Variants in IL2 observed in about 807,000 individuals in gnomAD.
The protein encoded by IL2 is interleukin 2.
IL2 carries 3 observed loss-of-function variants against 14.6 expected under a neutral mutation model. That is an observed-to-expected ratio of 0.21 (90% CI 0.09 to 0.53). The LOEUF (loss-of-function observed/expected upper bound fraction) is 0.53, where lower values mean the gene tolerates loss of function less well. Ranked by LOEUF, IL2 falls within the 20% of genes least tolerant of loss-of-function variation. IL2 has a pLI of 0.95. For synonymous variants in IL2, 71 were observed against 60.0 expected, an observed-to-expected ratio of 1.18 and a Z score of -0.85; for missense variants, 125 against 170.8, an observed-to-expected ratio of 0.73 and a Z score of 1.50.
At chr4:122,453,915 A>G in intron 2 of IL2, 62 bp from the exon 3 acceptor site, 1 of 1,448,340 alleles carries the variant, frequency 6.9e-7, no homozygotes, top group South Asian at 1.3e-5. Flanking sequence ...ATTAATTTCC[A>G]ATTTATTTTA....
In IL2 at chr4:122,456,376, G is replaced by A. The variant is rs754421965; in HGVS notation, c.65C>T (p.Pro22Leu). 2 of 1,611,454 alleles carry A rather than the reference G, an allele frequency of 1.2e-6. No individual in the cohort carries two copies. Among genetic ancestry groups the A allele is most frequent in the South Asian group, 1.1e-5 (1 of 91,002 alleles). ...LSLALVTNSA[P>L]TSSSTKKTQL... ...TGTTTTCTTTGTAGAACTTGAAGTA[G>A]GTGCACTGTTTGTGACAAGTGCAAG... Residue 22 changes from proline to leucine, a missense_variant, in exon 1 of 4, where the codon CCT becomes CTT. By Grantham distance (98) the Pro-to-Leu change is moderately conservative. Coordinates refer to ENST00000226730, the MANE Select transcript of IL2 (RefSeq NM_000586.4).
Position 122,456,546 on chromosome 4 carries a change from G to A in IL2, c.-106C>T. 4.7e-6 allele frequency: 4 copies of A among 845,062 alleles called. No individual in the cohort carries two copies. The highest frequency in any genetic ancestry group is 5.5e-6 in the Non-Finnish European group (3 of 546,340). The allele number at this position is 845,062 out of a possible 1,614,324, so 52.3% of individuals were successfully genotyped here. On this transcript the variant is annotated 5_prime_UTR_variant, in exon 1 of 4. Transcript: ENST00000226730. ...TGTTAATTCTGGAAAAATATTATGG[G>A]GGTGTCAAAATGTTTTACATATTAC...
intron 3 of IL2, among the ~76,000 whole-genome samples, chr4:122,452,978 C>T (rs1797690743): frequency 1.3e-5 from 2 of 151,952 alleles, no homozygotes; most frequent in African/African-American, 4.8e-5. Flanking sequence ...AAACAGTCCA[C>T]TAATAAGTGA....
intron 2 of IL2, 92 bp from the exon 3 acceptor site, chr4:122,453,945 G>GT (rs1193228454): frequency 1.1e-5 from 12 of 1,097,274 alleles, no homozygotes; most frequent in Non-Finnish European, 1.2e-5. Context: ...GCAGTATGTA[G>GT]TTTTTACCAT....
intron 3 of IL2, among the ~76,000 whole-genome samples, chr4:122,452,167 T>G (rs1292485153): frequency 2.0e-5 from 3 of 152,112 alleles, no homozygotes; most frequent in Non-Finnish European, 4.4e-5. Context: ...TAGACAAATA[T>G]TAAATGCTGG....
chr4:122,452,030 T>G (rs1214265472), intron 3 of IL2, among the ~76,000 whole-genome samples, 168 bp from the exon 4 acceptor site: 1 of 152,142 alleles, frequency 6.6e-6, no homozygotes, highest in African/African-American at 2.4e-5. Flanking sequence ...AAATTACATA[T>G]TTTGTTATGA....
rs187538629 is a variant in IL2 at position 122,452,282 on chromosome 4, T to C, written c.352-420A>G. 1.3e-4 allele frequency among the ~76,000 whole-genome samples: 20 copies of C among 152,222 alleles called. No individual in the cohort carries two copies. The South Asian group carries it at 2.3e-3, about 17-fold the overall frequency. ...ATTATACTTTCTTCTTTTCTAAATC[T>C]TGATTAGAGTCTCCTATTTTTCTAC... On this transcript the variant is annotated intron_variant, in intron 3 of 3. Transcript: ENST00000226730.
chr4:122,453,864 AATT>A lies in IL2; in HGVS notation c.208-14_208-12del. On this transcript the variant is annotated splice_polypyrimidine_tract_variant and intron_variant, in intron 2 of 3. Coordinates refer to ENST00000226730, the MANE Select transcript of IL2 (RefSeq NM_000586.4). Reference sequence around the variant, plus strand: ...TTTCAGTTCTGTGGCCTAGAATAATAATTATCATCAGCTCAGTTTACATAGAGG... The same window carrying A: ...TTTCAGTTCTGTGGCCTAGAATAATAATCATCAGCTCAGTTTACATAGAGG... The A allele has an allele frequency of 2.5e-6, 4 of 1,598,846 alleles. No homozygotes were observed. Among genetic ancestry groups the A allele is most frequent in the Non-Finnish European group, 3.4e-6 (4 of 1,173,950 alleles).
intron 3 of IL2, among the ~76,000 whole-genome samples, chr4:122,452,197 G>A (rs924626364): frequency 1.4e-4 from 22 of 152,000 alleles, no homozygotes; most frequent in African/African-American, 4.8e-4. Context: ...AAACTTGATC[G>A]CTTTTCCTCT....
At chr4:122,453,009 G>T (rs1327871009) in intron 3 of IL2, among the ~76,000 whole-genome samples, 1 of 151,846 alleles carries the variant, frequency 6.6e-6, no homozygotes, top group African/African-American at 2.4e-5. Context: ...CACAACTGGA[G>T]TTACTTTTAG....
intron 3 of IL2, 39 bp downstream of exon 3, chr4:122,453,671 T>C (rs1283976620): frequency 1.3e-6 from 2 of 1,540,606 alleles, no homozygotes; most frequent in East Asian, 4.5e-5. Context: ...CTACTTTTTT[T>C]TTTTTATTTC....
At chr4:122,452,123 T>C (rs917096324) in intron 3 of IL2, among the ~76,000 whole-genome samples, 2 of 152,104 alleles carry the variant, frequency 1.3e-5, no homozygotes, top group African/African-American at 4.8e-5. Flanking sequence ...TTCCCTAAAT[T>C]GGGTGCAAAT....
rs1411019544 is a variant in IL2, at chr4:122,456,483, G to C, written c.-43C>G. 6.6e-7 allele frequency: 1 copy of C among 1,505,786 alleles called. No homozygotes were observed. Among genetic ancestry groups the C allele is most frequent in the Non-Finnish European group, 9.0e-7 (1 of 1,106,072 alleles). The allele number at this position is 1,505,786 out of a possible 1,614,324, so 93.3% of individuals were successfully genotyped here. A position where few individuals can be genotyped will look rare whatever the true frequency, so the allele number is the denominator to read the frequency against. On this transcript the variant is annotated 5_prime_UTR_variant, in exon 1 of 4. Transcript: ENST00000226730. ...TTACTGTGAGTAGTGATTAAAGAGA[G>C]TGATAGGGAACTCTTGAACAAGAGA...
rs1797676940 is a variant in IL2, at chr4:122,451,587, C to T, written c.*165G>A. The T allele has an allele frequency of 2.8e-6, 1 of 362,530 alleles. No individual in the cohort carries two copies. Among genetic ancestry groups the T allele is most frequent in the African/African-American group, 2.1e-5 (1 of 47,114 alleles). The allele number at this position is 362,530 out of a possible 1,614,324, so 22.5% of individuals were successfully genotyped here. A position where few individuals can be genotyped will look rare whatever the true frequency, so the allele number is the denominator to read the frequency against. The stretch of plus-strand genomic sequence containing the variant: ...AAATAAGTGAAACCATTTTAGAGCC[C>T]CTAGGGCTTACAAAAAGAATCATAA... On this transcript the variant is annotated 3_prime_UTR_variant, in exon 4 of 4. Transcript: ENST00000226730.
In IL2 at chr4:122,456,320, A is replaced by C; in HGVS notation, c.121T>G (p.Leu41Val). The C allele has an allele frequency of 2.5e-6, 4 of 1,610,988 alleles. No homozygotes were observed. The highest frequency in any genetic ancestry group is 3.4e-6 in the Non-Finnish European group (4 of 1,177,800). The change falls in exon 1 of 4, where the codon TTA becomes GTA. Residue 41 changes from leucine to valine, a missense_variant. By Grantham distance (32) the Leu-to-Val change is conservative. Coordinates refer to ENST00000226730, the MANE Select transcript of IL2 (RefSeq NM_000586.4). The part of the protein sequence containing the change: ...QLQLEHLLLD[L>V]QMILNGINNY... ...TTAATTCCATTCAAAATCATCTGTA[A>C]ATCCAGCAGTAAATGCTCCAGTTGT...
intron 3 of IL2, among the ~76,000 whole-genome samples, chr4:122,452,593 GAT>G (rs1375728288): frequency 6.6e-6 from 1 of 151,198 alleles, no homozygotes; most frequent in Non-Finnish European, 1.5e-5. Context: ...GAAATATTTT[GAT>G]ATATAGTGAG....
intron 2 of IL2, among the ~76,000 whole-genome samples, chr4:122,454,394 A>G (rs1284986645): frequency 1.3e-5 from 2 of 151,820 alleles, no homozygotes; most frequent in Non-Finnish European, 2.9e-5. Flanking sequence ...TTAAATTTTT[A>G]CTTTTCTACA....
intron 2 of IL2, 131 bp from the exon 3 acceptor site, chr4:122,453,984 A>G (rs150268119): frequency 1.3e-6 from 1 of 753,916 alleles, no homozygotes; most frequent in East Asian, 2.7e-5. Context: ...CACTGTAAAG[A>G]TGGACCAGTA....
intron 3 of IL2, among the ~76,000 whole-genome samples, chr4:122,453,507 G>GA (rs1797697100): frequency 1.3e-5 from 2 of 151,910 alleles, no homozygotes; most frequent in East Asian, 3.9e-4. Context: ...TAGATGGTAG[G>GA]TGCAAACTCA....
Sources: allele counts gnomAD v4.1 joint callset (sites outside exome capture counted in the v4.1 genomes callset), GRCh38; gene constraint gnomAD v4.1.1; transcripts MANE v1.5; gene names NCBI Gene and HGNC (gene_info 2026-07-23, HGNC 2026-07-21).